Variants in PTGER3 observed in about 807,000 individuals in gnomAD.
The protein encoded by PTGER3 is prostaglandin E2 receptor EP3 subtype.
PTGER3 carries 22 observed loss-of-function variants against 34.7 expected under a neutral mutation model. That is an observed-to-expected ratio of 0.63 (90% CI 0.45 to 0.91). The LOEUF (loss-of-function observed/expected upper bound fraction) is 0.91. Ranked by LOEUF, PTGER3 falls within the 40% of genes least tolerant of loss-of-function variation. The pLI is 0.00. For missense variants in PTGER3, 468 were observed against 519.4 expected, an observed-to-expected ratio of 0.90 and a Z score of 0.96; for synonymous variants, 241 against 230.1, an observed-to-expected ratio of 1.05 and a Z score of -0.43.
chr1:71,006,748 G>T (rs1317215777), intron 2 of PTGER3: 1 of 985,054 alleles, frequency 1.0e-6, no homozygotes, highest in East Asian at 1.1e-4. Context: ...GCATTACATT[G>T]TGCTATTATT....
intron 4 of PTGER3, among the ~76,000 whole-genome samples, chr1:70,891,626 C>T (rs903100993): frequency 6.6e-6 from 1 of 152,204 alleles, no homozygotes; most frequent in African/African-American, 2.4e-5. Flanking sequence ...ATATAATACA[C>T]CCATTTGTGG....
intron 4 of PTGER3, among the ~76,000 whole-genome samples, chr1:70,918,375 C>A (rs759194087): frequency 1.3e-5 from 2 of 151,798 alleles, no homozygotes; most frequent in Non-Finnish European, 2.9e-5. Flanking sequence ...AAAGCACAGG[C>A]GAGCAACAAA....
At chr1:70,966,107 C>T (rs1358998030), downstream of PTGER3, among the ~76,000 whole-genome samples, 1 of 152,182 alleles carries the variant, frequency 6.6e-6, no homozygotes, top group Non-Finnish European at 1.5e-5. Flanking sequence ...GAACACTATA[C>T]TTTGCTCAAA....
At chr1:70,918,504 T>A (rs1647259633) in intron 4 of PTGER3, among the ~76,000 whole-genome samples, 1 of 152,108 alleles carries the variant, frequency 6.6e-6, no homozygotes, top group African/African-American at 2.4e-5. Flanking sequence ...GTTCACTTTT[T>A]TCCCAAACAA....
intron 4 of PTGER3, among the ~76,000 whole-genome samples, chr1:70,879,679 G>A (rs1646346872): frequency 1.3e-5 from 2 of 152,226 alleles, no homozygotes; most frequent in African/African-American, 4.8e-5. Flanking sequence ...GAATCTATGG[G>A]TGTCATTGTC....
chr1:71,040,521 A>C (rs1346430399), intron 1 of PTGER3, among the ~76,000 whole-genome samples: 1 of 152,116 alleles, frequency 6.6e-6, no homozygotes, highest in African/African-American at 2.4e-5. Flanking sequence ...AGGCACGAGA[A>C]TCACTTGAAC....
chr1:70,852,769 A>ATT, exon 5 of PTGER3: 2 of 1,548,004 alleles, frequency 1.3e-6, no homozygotes, highest in Non-Finnish European at 1.8e-6. Context: ...TGTTTCTGTG[A>ATT]TTTTTTTTTC....
chr1:70,864,073 TA>T (rs1645988904), intron 4 of PTGER3, among the ~76,000 whole-genome samples: 1 of 152,196 alleles, frequency 6.6e-6, no homozygotes, highest in African/African-American at 2.4e-5. Context: ...CACAGGGAAC[TA>T]AAAATCTACA....
intron 4 of PTGER3, chr1:70,862,533 C>T (rs368607921): frequency 7.1e-6 from 3 of 422,696 alleles, no homozygotes; most frequent in Admixed American, 5.8e-5. Flanking sequence ...GGGAGAGTCT[C>T]ATGGCTTTGA....
At chr1:70,889,306 T>A (rs1424667560) in intron 4 of PTGER3, among the ~76,000 whole-genome samples, 1 of 150,930 alleles carries the variant, frequency 6.6e-6, no homozygotes, top group Non-Finnish European at 1.5e-5. Context: ...TCCCAGCTAC[T>A]CGGGAGGCTG....
intron 4 of PTGER3, among the ~76,000 whole-genome samples, chr1:70,907,884 G>T (rs1052758726): frequency 6.6e-6 from 1 of 152,146 alleles, no homozygotes; most frequent in Admixed American, 6.5e-5. Flanking sequence ...TCCACCCAGG[G>T]TGGCCAGGAA....
intron 2 of PTGER3, among the ~76,000 whole-genome samples, chr1:70,992,188 G>A (rs1421079206): frequency 6.6e-6 from 1 of 152,136 alleles, no homozygotes; most frequent in Non-Finnish European, 1.5e-5. Context: ...CAGAATCCCT[G>A]CTCTTTATTC....
At chr1:70,923,173 A>G (rs1318033688) in intron 4 of PTGER3, among the ~76,000 whole-genome samples, 1 of 151,246 alleles carries the variant, frequency 6.6e-6, no homozygotes, top group African/African-American at 2.4e-5. Flanking sequence ...TATAAAAATC[A>G]TACAAGAAGC....
At chr1:70,983,568 T>C (rs1314166761) in intron 2 of PTGER3, among the ~76,000 whole-genome samples, 1 of 152,128 alleles carries the variant, frequency 6.6e-6, no homozygotes, top group Non-Finnish European at 1.5e-5. Context: ...CCCAGCACAA[T>C]GCCTGACACT....
intron 2 of PTGER3, among the ~76,000 whole-genome samples, chr1:70,990,170 G>A (rs575125528): frequency 2.0e-4 from 30 of 151,584 alleles, no homozygotes; most frequent in African/African-American, 6.5e-4. Context: ...TGGCTAACAC[G>A]GTGAAACCCC....
Position 70,952,655 on chromosome 1 carries a change from G to A in PTGER3, c.*252C>T, listed in dbSNP as rs527831584. 3.0e-5 allele frequency: 33 copies of A among 1,096,454 alleles called. No individual in the cohort carries two copies. In the South Asian group the frequency reaches 1.3e-3, roughly 42 times the overall value. 67.9% of individuals were successfully genotyped at this position (1,096,454 alleles called of 1,614,324 possible). ...TCTGTTGACTAAAGCAGCAGTCTTG[G>A]CAATTCTGAACCATGTGCTATTCTT... is the stretch of plus-strand genomic sequence containing the variant. On this transcript the variant is annotated 3_prime_UTR_variant, in exon 4 of 4. Coordinates refer to the PTGER3 transcript ENST00000356595.
intron 2 of PTGER3, among the ~76,000 whole-genome samples, chr1:70,961,841 G>T (rs890734637): frequency 5.9e-5 from 9 of 152,142 alleles, no homozygotes; most frequent in Non-Finnish European, 1.0e-4. Context: ...CAAAAGGATT[G>T]TAGTAAAATT....
intron 4 of PTGER3, among the ~76,000 whole-genome samples, chr1:70,942,344 A>G (rs1649837796): frequency 1.3e-5 from 2 of 152,152 alleles, no homozygotes; most frequent in Admixed American, 6.6e-5. Flanking sequence ...TGTTTGTGCT[A>G]TTATATCTTG....
intron 2 of PTGER3, among the ~76,000 whole-genome samples, chr1:70,976,454 G>GA (rs1653713053): frequency 6.6e-6 from 1 of 152,034 alleles, no homozygotes; most frequent in African/African-American, 2.4e-5. Context: ...GGGAGTCTGT[G>GA]AAAAATCTCT....
Sources: gnomAD v4.1 joint callset for allele counts (sites outside exome capture counted in the v4.1 genomes callset) on GRCh38, gnomAD v4.1.1 for gene constraint, MANE v1.5 for transcripts, NCBI Gene and HGNC (gene_info 2026-07-23, HGNC 2026-07-21) for gene names.